CDK17: variants seen among roughly 807,000 people sequenced by gnomAD.
CDK17 encodes cyclin dependent kinase 17.
CDK17 carries 24 observed loss-of-function variants against 77.6 expected under a neutral mutation model. That is an observed-to-expected ratio of 0.31 (90% confidence interval 0.22 to 0.44). CDK17 has a LOEUF of 0.44. Ranked by LOEUF, CDK17 falls within the 20% of genes least tolerant of loss-of-function variation. The pLI is 1.00. For missense variants in CDK17, 429 were observed against 622.5 expected, an observed-to-expected ratio of 0.69 and a Z score of 3.31; for synonymous variants, 203 against 210.4, an observed-to-expected ratio of 0.96 and a Z score of 0.30.
intron 1 of CDK17, 138 bp from the exon 2 acceptor site, chr12:96,335,003 C>T (rs918736757): frequency 1.5e-6 from 1 of 683,554 alleles, no homozygotes; most frequent in South Asian, 1.5e-5. Flanking sequence ...TCACCAAATC[C>T]AACCCCTTTT....
rs1163629083 is a variant in CDK17 at position 96,383,405 on chromosome 12, A to C, written c.-30+16581T>G. On this transcript the variant is annotated intron_variant, in intron 1 of 16. Transcript: ENST00000261211. Reference sequence around the variant, plus strand: ...ATGTAATTCTTCACAAAATTAGAAGAAAAAAAAAAAAAACTCTTCTAAGAT... The same window carrying C: ...ATGTAATTCTTCACAAAATTAGAAGCAAAAAAAAAAAAACTCTTCTAAGAT... Among the ~76,000 whole-genome samples the C allele has an allele frequency of 1.5e-4, 3 of 20,124 alleles. No individual in the cohort carries two copies. The East Asian group carries it at 0.018, about 118-fold the overall frequency. The allele number at this position is 20,124 out of a possible 152,430, so 13.2% of individuals were successfully genotyped here. A position where few individuals can be genotyped will look rare whatever the true frequency, so the allele number is the denominator to read the frequency against.
intron 1 of CDK17, among the ~76,000 whole-genome samples, chr12:96,385,465 T>C (rs1953956925): frequency 6.6e-6 from 1 of 152,120 alleles, no homozygotes; most frequent in Non-Finnish European, 1.5e-5. Flanking sequence ...CATCACGCAA[T>C]ATACCCATGT....
chr12:96,358,505 C>A (rs1953440927), intron 1 of CDK17, among the ~76,000 whole-genome samples: 1 of 150,638 alleles, frequency 6.6e-6, no homozygotes, highest in Non-Finnish European at 1.5e-5. Context: ...AGTAAGTGTG[C>A]AAGGTCAAAT....
In CDK17 at chr12:96,369,800, G is replaced by C. The variant is rs185394035; in HGVS notation, c.-30+30186C>G. Among the ~76,000 whole-genome samples, 697 of 152,120 alleles carry C rather than the reference G, an allele frequency of 4.6e-3. 4 individuals carry two copies. Among genetic ancestry groups the C allele is most frequent in the Middle Eastern group, 0.017 (5 of 294 alleles). On this transcript the variant is annotated intron_variant, in intron 1 of 16. Coordinates refer to ENST00000261211, the MANE Select transcript of CDK17 (RefSeq NM_002595.5). ...ATAAATAAATAAATAAATAAAATAG[G>C]TCTGGCGCGGTGGCTCACGCCTGTA...
At chr12:96,367,102 T>C (rs146538945) in intron 1 of CDK17, among the ~76,000 whole-genome samples, 18 of 152,102 alleles carry the variant, frequency 1.2e-4, no homozygotes, top group Admixed American at 2.6e-4. Flanking sequence ...CCCAGCACTT[T>C]GGGAGGCCGA....
intron 4 of CDK17, among the ~76,000 whole-genome samples, chr12:96,311,750 C>T (rs1952648177): frequency 6.6e-6 from 1 of 151,446 alleles, no homozygotes; most frequent in Non-Finnish European, 1.5e-5. Context: ...GGTATAGGAA[C>T]TGCATAAATA....
chr12:96,389,561 T>C (rs1334027086), intron 1 of CDK17, among the ~76,000 whole-genome samples: 1 of 152,128 alleles, frequency 6.6e-6, no homozygotes, highest in African/African-American at 2.4e-5. Flanking sequence ...GCAAAAATTA[T>C]TGCAACACAC....
At chr12:96,323,819 C>T in intron 3 of CDK17, 129 bp downstream of exon 3, 1 of 586,838 alleles carries the variant, frequency 1.7e-6, no homozygotes, top group South Asian at 3.9e-5. Context: ...TTCTGCTATT[C>T]CTCTTGATCT....
chr12:96,376,149 A>G (rs1043047811), intron 1 of CDK17, among the ~76,000 whole-genome samples: 2 of 152,236 alleles, frequency 1.3e-5, no homozygotes, highest in African/African-American at 2.4e-5. Context: ...TCAGGCAGAT[A>G]AGAGCTACAA....
intron 1 of CDK17, among the ~76,000 whole-genome samples, chr12:96,344,517 G>A (rs1455870759): frequency 6.6e-6 from 1 of 152,210 alleles, no homozygotes; most frequent in Non-Finnish European, 1.5e-5. Context: ...ATCATAAACT[G>A]TGATGACCAG....
rs1377389617 is a variant in CDK17 at position 96,348,537 on chromosome 12, A to C, written c.-29-13672T>G. On this transcript the variant is annotated intron_variant, in intron 1 of 16. Transcript: ENST00000261211. ...AGACTCTGTCTCAAAAAAAAAAAAA[A>C]AAAAACAAAAAAGAAAAAAAAAATC... Among the ~76,000 whole-genome samples the C allele has an allele frequency of 3.3e-4, 50 of 151,236 alleles. 1 individual carries two copies. Among genetic ancestry groups the C allele is most frequent in the Middle Eastern group, 3.4e-3 (1 of 292 alleles).
At chr12:96,300,169 T>C (rs1172622825) in intron 6 of CDK17, 135 bp downstream of exon 6, 1 of 639,552 alleles carries the variant, frequency 1.6e-6, no homozygotes, top group Non-Finnish European at 2.8e-6. Context: ...CTCTGTTACC[T>C]TTCCAGAACA....
At position 96,297,312 on chromosome 12, in the gene CDK17, G is replaced by A; in HGVS notation, c.831C>T (p.Tyr277=). ...FEYLDKDLKQ[Y]MDDCGNIMSM... ...TCATGATGTTTCCACAGTCATCCAT[G>A]TACTGTTTCAGGTCTTTATCCTGGA... The change falls in exon 9 of 17, where the codon TAC becomes TAT. Residue 277 remains tyrosine (Y), a synonymous_variant. Coordinates refer to ENST00000261211, the MANE Select transcript of CDK17 (RefSeq NM_002595.5). The A allele has an allele frequency of 6.2e-7, 1 of 1,609,676 alleles. No homozygotes were observed. The highest frequency in any genetic ancestry group is 8.5e-7 in the Non-Finnish European group (1 of 1,176,762).
chr12:96,334,425 GATA>G lies in CDK17; in HGVS notation c.118+291_118+293del, dbSNP rs1381070171. ...AAATTAATAGTTATTTAACAATCAA[GATA>G]ATATTATAAAATGCATTCTTCTTTA... On this transcript the variant is annotated intron_variant, in intron 2 of 16. Transcript: ENST00000261211. Among the ~76,000 whole-genome samples the G allele has an allele frequency of 8.5e-5, 13 of 152,238 alleles. No homozygotes were observed. The South Asian group carries it at 2.5e-3, about 29-fold the overall frequency.
intron 1 of CDK17, among the ~76,000 whole-genome samples, chr12:96,351,531 AAGTC>A (rs1953313445): frequency 6.6e-6 from 1 of 152,246 alleles, no homozygotes; most frequent in African/African-American, 2.4e-5. Flanking sequence ...TAAGGGAACT[AAGTC>A]AGACACAAAA....
At chr12:96,324,619 T>G (rs560089809) in intron 2 of CDK17, among the ~76,000 whole-genome samples, 1 of 152,084 alleles carries the variant, frequency 6.6e-6, no homozygotes, top group Non-Finnish European at 1.5e-5. Flanking sequence ...ACACAAAAAC[T>G]AGCTGGGCAT....
chr12:96,299,260 TAAC>T, intron 6 of CDK17, among the ~76,000 whole-genome samples: 1 of 152,298 alleles, frequency 6.6e-6, no homozygotes, highest in South Asian at 2.1e-4. Context: ...TATTTTAGAT[TAAC>T]AATTAGATCA....
chr12:96,368,806 C>CCGGGGG (rs1491120801), intron 1 of CDK17, among the ~76,000 whole-genome samples: 1 of 67,514 alleles, frequency 1.5e-5, no homozygotes. Flanking sequence ...TACTCTAAGA[C>CCGGGGG]GGGGGGGGGG....
At chr12:96,285,936 G>T (rs1025403667) in intron 13 of CDK17, 107 bp downstream of exon 13, 3 of 600,494 alleles carry the variant, frequency 5.0e-6, no homozygotes, top group Non-Finnish European at 9.3e-6. Flanking sequence ...ATACGTAAGG[G>T]TTATGTGTAT....
Sources: allele counts gnomAD v4.1 joint callset (sites outside exome capture counted in the v4.1 genomes callset), GRCh38; gene constraint gnomAD v4.1.1; transcripts MANE v1.5; gene names NCBI Gene and HGNC (gene_info 2026-07-23, HGNC 2026-07-21).